IFT81: variants seen among roughly 807,000 people sequenced by gnomAD.
The protein encoded by IFT81 is intraflagellar transport 81.
Under a neutral mutation model 102.6 loss-of-function variants are expected in IFT81, and 72 were observed. The ratio of observed to expected loss-of-function variants is 0.70; its 90% CI spans 0.58 to 0.85. The LOEUF (loss-of-function observed/expected upper bound fraction) is 0.85. IFT81 is among the 40% of genes least tolerant of loss of function. The pLI is 0.00. For missense variants in IFT81, 723 were observed against 787.3 expected, an observed-to-expected ratio of 0.92 and a Z score of 0.98; for synonymous variants, 237 against 242.7, an observed-to-expected ratio of 0.98 and a Z score of 0.22.
In IFT81 at chr12:110,218,424, T is replaced by C. The variant is rs1870420041; in HGVS notation, c.*198T>C. 2 of 413,738 alleles carry C rather than the reference T, an allele frequency of 4.8e-6. No individual in the cohort carries two copies. The highest frequency in any genetic ancestry group is 8.2e-5 in the Admixed American group (2 of 24,446). 25.6% of individuals were successfully genotyped at this position (413,738 alleles called of 1,614,324 possible). A position where few individuals can be genotyped will look rare whatever the true frequency, so the allele number is the denominator to read the frequency against. ...TCATATGAAAAAGAGGCTTTTATTC[T>C]TTTCCATAGTTTAGACATCACTGGC... is the stretch of plus-strand genomic sequence containing the variant. On this transcript the variant is annotated 3_prime_UTR_variant, in exon 19 of 19. Coordinates refer to ENST00000242591, the MANE Select transcript of IFT81 (RefSeq NM_014055.4).
intron 13 of IFT81, 88 bp downstream of exon 13, chr12:110,191,136 C>T: frequency 8.7e-7 from 1 of 1,154,992 alleles, no homozygotes; most frequent in South Asian, 1.6e-5. Context: ...GAAACATTCA[C>T]CTGTTAATTT....
intron 11 of IFT81, among the ~76,000 whole-genome samples, chr12:110,174,527 T>C (rs1394555184): frequency 6.6e-6 from 1 of 152,002 alleles, no homozygotes; most frequent in East Asian, 1.9e-4. Context: ...ATGATAGTCT[T>C]GTCAAGTCTT....
chr12:110,172,440 G>A (rs1389906424), intron 11 of IFT81, among the ~76,000 whole-genome samples: 2 of 152,090 alleles, frequency 1.3e-5, no homozygotes, highest in Admixed American at 6.5e-5. Flanking sequence ...ATGCCGAGCT[G>A]AAGCTGGACT....
At chr12:110,197,092 G>A (rs550888362) in intron 14 of IFT81, among the ~76,000 whole-genome samples, 1 of 152,204 alleles carries the variant, frequency 6.6e-6, no homozygotes, top group Admixed American at 6.5e-5. Context: ...TTAGCTATTG[G>A]GAGGCTGAGG....
Position 110,124,830 on chromosome 12 carries a change from A to G in IFT81, c.-53A>G, listed in dbSNP as rs1281129875. On this transcript the variant is annotated 5_prime_UTR_variant, in exon 1 of 19. Transcript: ENST00000242591. ...AGAGAACACGCACGTCCTGGTTTTC[A>G]TTGTTCCCCGCCTCCTGCGACTCGT... The G allele has an allele frequency of 6.6e-6, 1 of 152,200 alleles. No homozygotes were observed. The highest frequency in any genetic ancestry group is 2.4e-5 in the African/African-American group (1 of 41,440). The allele number at this position is 152,200 out of a possible 1,614,324, so 9.4% of individuals were successfully genotyped here. A position where few individuals can be genotyped will look rare whatever the true frequency, so the allele number is the denominator to read the frequency against.
chr12:110,135,301 A>G (rs1383157311), intron 6 of IFT81, 26 bp from the exon 7 acceptor site: 2 of 1,423,380 alleles, frequency 1.4e-6, no homozygotes, highest in South Asian at 2.4e-5. Context: ...TGACAGTAAC[A>G]TGTACTACTT....
chr12:110,192,170 CAAAA>C (rs779420962), intron 13 of IFT81, among the ~76,000 whole-genome samples: 3 of 117,868 alleles, frequency 2.5e-5, no homozygotes, highest in African/African-American at 9.4e-5. Flanking sequence ...GACTCTGTCT[CAAAA>C]AAAAAAAAAA....
chr12:110,217,545 T>G (rs1566178707), intron 18 of IFT81, among the ~76,000 whole-genome samples: 2 of 152,066 alleles, frequency 1.3e-5, no homozygotes, highest in Admixed American at 6.6e-5. Flanking sequence ...GTGTAGTTTT[T>G]TTTGTTTGTT....
chr12:110,136,637 T>C, intron 7 of IFT81, 139 bp from the exon 8 acceptor site: 1 of 430,070 alleles, frequency 2.3e-6, no homozygotes, highest in Non-Finnish European at 4.2e-6. Context: ...GGGTTTAATA[T>C]GGGAATTTTC....
intron 11 of IFT81, among the ~76,000 whole-genome samples, chr12:110,173,439 G>C (rs191637772): frequency 0.058 from 8,825 of 152,244 alleles, 331 homozygotes; most frequent in Middle Eastern, 0.099. Flanking sequence ...CCCTCTGCCC[G>C]GCCACCATCC....
At chr12:110,212,817 A>G (rs1477235950) in intron 18 of IFT81, among the ~76,000 whole-genome samples, 5 of 152,130 alleles carry the variant, frequency 3.3e-5, no homozygotes, top group African/African-American at 1.2e-4. Context: ...AGCCTGGGAA[A>G]CAAGAGCAAA....
At chr12:110,178,077 A>C (rs1389160301) in intron 11 of IFT81, among the ~76,000 whole-genome samples, 1 of 151,860 alleles carries the variant, frequency 6.6e-6, no homozygotes, top group Non-Finnish European at 1.5e-5. Context: ...CCTAGGTGAC[A>C]GAGCGAGACT....
intron 18 of IFT81, chr12:110,216,833 G>T: frequency 1.7e-5 from 5 of 300,942 alleles, no homozygotes; most frequent in Non-Finnish European, 3.2e-5. Context: ...ACATATAACA[G>T]GTGCTTCATA....
intron 11 of IFT81, among the ~76,000 whole-genome samples, chr12:110,167,634 C>T (rs1463468309): frequency 2.0e-5 from 3 of 152,012 alleles, no homozygotes; most frequent in Admixed American, 1.3e-4. Context: ...ATTTTGATTG[C>T]TGTCATCTCT....
intron 9 of IFT81, 43 bp from the exon 10 acceptor site, chr12:110,146,910 G>T: frequency 6.4e-7 from 1 of 1,564,914 alleles, no homozygotes. Flanking sequence ...TGTACTTATA[G>T]GGAAAGTTTT....
intron 14 of IFT81, 70 bp downstream of exon 14, chr12:110,192,776 C>T (rs753117508): frequency 2.2e-4 from 179 of 801,120 alleles, no homozygotes; most frequent in Non-Finnish European, 3.3e-4. Flanking sequence ...TTCACATGTG[C>T]TAGTTAGAAC....
intron 12 of IFT81, among the ~76,000 whole-genome samples, chr12:110,190,186 T>C (rs554989699): frequency 6.6e-6 from 1 of 152,326 alleles, no homozygotes; most frequent in Admixed American, 6.5e-5. Context: ...AGTAGGATAC[T>C]TCTTGAGAGT....
At chr12:110,179,274 G>T (rs1197617789) in intron 11 of IFT81, among the ~76,000 whole-genome samples, 1 of 152,130 alleles carries the variant, frequency 6.6e-6, no homozygotes, top group Non-Finnish European at 1.5e-5. Flanking sequence ...TACAGTACAT[G>T]AGATATACCA....
intron 1 of IFT81, among the ~76,000 whole-genome samples, chr12:110,125,203 T>C (rs940902069): frequency 1.3e-5 from 2 of 152,116 alleles, no homozygotes; most frequent in Non-Finnish European, 2.9e-5. Context: ...CTTTAAACAA[T>C]GGAAAACTTG....
Sources: gnomAD v4.1 joint callset for allele counts (sites outside exome capture counted in the v4.1 genomes callset) on GRCh38, gnomAD v4.1.1 for gene constraint, MANE v1.5 for transcripts, NCBI Gene and HGNC (gene_info 2026-07-23, HGNC 2026-07-21) for gene names.